The following ARMC2 variants were observed in gnomAD, a reference collection of about 807,000 sequenced individuals.
ARMC2 encodes armadillo repeat containing 2.
In ARMC2, 67 loss-of-function variants were observed where a neutral mutation model predicts 90.3. The ratio of observed to expected loss-of-function variants is 0.74; its 90% CI spans 0.61 to 0.91. The LOEUF is 0.91. Ranked by LOEUF, ARMC2 falls within the 40% of genes least tolerant of loss-of-function variation. ARMC2 has a pLI of 0.00. For missense variants in ARMC2, 920 were observed against 1,030.9 expected, an observed-to-expected ratio of 0.89 and a Z score of 1.47; for synonymous variants, 393 against 393.0, an observed-to-expected ratio of 1.00 and a Z score of 0.00.
chr6:108,938,537 A>G (rs556449928), intron 12 of ARMC2, among the ~76,000 whole-genome samples: 4 of 140,538 alleles, frequency 2.8e-5, no homozygotes, highest in African/African-American at 1.1e-4. Context: ...ATCTATTTAT[A>G]TATTTTATTT....
intron 13 of ARMC2, chr6:108,959,439 G>A (rs1343104745): frequency 6.6e-6 from 1 of 152,278 alleles, no homozygotes; most frequent in Non-Finnish European, 1.5e-5. Flanking sequence ...TCAGTAATGG[G>A]AAGTGGGCAA....
chr6:108,937,015 A>G lies in ARMC2; in HGVS notation c.1596+16A>G, dbSNP rs1458993048. The G allele has an allele frequency of 6.5e-7, 1 of 1,550,178 alleles. No individual in the cohort carries two copies. The highest frequency in any genetic ancestry group is 1.4e-5 in the African/African-American group (1 of 73,936). ...GAAGAAGCAGGTCAGTTCTTCATTC[A>G]TTTAATTCTTCAATGAGTCTTTACA... On this transcript the variant is annotated intron_variant, in intron 12 of 17. Transcript: ENST00000392644.
the ARMC2 span, among the ~76,000 whole-genome samples, chr6:108,979,486 C>T: frequency 7.0e-4 from 106 of 152,154 alleles, 2 homozygotes; most frequent in Admixed American, 4.1e-3. Context: ...TTGCTCTTTT[C>T]GAGGAGTATC....
chr6:109,043,961 T>C, the ARMC2 span, among the ~76,000 whole-genome samples: 2 of 152,022 alleles, frequency 1.3e-5, no homozygotes, highest in Admixed American at 1.3e-4. Context: ...GATACACATA[T>C]CAATGGAACA....
At chr6:108,882,789 C>G (rs539579838) in intron 5 of ARMC2, among the ~76,000 whole-genome samples, 6 of 87,102 alleles carry the variant, frequency 6.9e-5, no homozygotes, top group Middle Eastern at 6.8e-3. Flanking sequence ...TGTGAATTGT[C>G]AGACACTTTT....
intron 3 of ARMC2, among the ~76,000 whole-genome samples, chr6:108,866,872 T>A (rs1053282357): frequency 1.3e-5 from 2 of 152,168 alleles, no homozygotes; most frequent in African/African-American, 2.4e-5. Context: ...AAATAAACAT[T>A]TTGAAGAATG....
chr6:108,874,835 TAAA>T (rs879356888), intron 4 of ARMC2, among the ~76,000 whole-genome samples: 1 of 141,286 alleles, frequency 7.1e-6, no homozygotes, highest in Admixed American at 7.1e-5. Context: ...TTTCTCATCT[TAAA>T]AAAAAAAAAA....
At chr6:109,007,192 G>A in the ARMC2 span, among the ~76,000 whole-genome samples, 6 of 152,232 alleles carry the variant, frequency 3.9e-5, no homozygotes, top group East Asian at 1.9e-4. Context: ...GTGAAAATTC[G>A]TAGTGAATGT....
chr6:108,984,632 T>C, the ARMC2 span, among the ~76,000 whole-genome samples: 2 of 152,214 alleles, frequency 1.3e-5, no homozygotes, highest in Admixed American at 1.3e-4. Flanking sequence ...CATATCCCCT[T>C]GGTTAGGTTT....
At position 108,864,276 on chromosome 6, in the gene ARMC2, G is replaced by A. The variant is rs184060193; in HGVS notation, c.292-4548G>A. On this transcript the variant is annotated intron_variant, in intron 3 of 17. Coordinates refer to ENST00000392644, the MANE Select transcript of ARMC2 (RefSeq NM_032131.6). ...TTCTTTTTTTTTTTTTTGAGATGGA[G>A]TCTTGCTCTGTCACCAGGCTGGAGT... Among the ~76,000 whole-genome samples the A allele has an allele frequency of 4.0e-3, 568 of 143,084 alleles. 2 individuals are homozygous for A. Among genetic ancestry groups the A allele is most frequent in the African/African-American group, 0.014 (533 of 38,482 alleles). 93.9% of individuals were successfully genotyped at this position (143,084 alleles called of 152,430 possible).
At chr6:108,875,947 G>T (rs75499803) in intron 4 of ARMC2, among the ~76,000 whole-genome samples, 196 bp from the exon 5 acceptor site, 3 of 152,298 alleles carry the variant, frequency 2.0e-5, no homozygotes, top group Admixed American at 6.5e-5. Context: ...TTTACCTGCA[G>T]AATTGATGGT....
chr6:108,978,995 C>T (rs914918638), downstream of ARMC2, among the ~76,000 whole-genome samples: 8 of 152,130 alleles, frequency 5.3e-5, no homozygotes, highest in African/African-American at 9.7e-5. Context: ...AACCTGTTTA[C>T]ATTTAAGGTT....
At chr6:109,039,094 AGGAG>A in the ARMC2 span, among the ~76,000 whole-genome samples, 1 of 149,330 alleles carries the variant, frequency 6.7e-6, no homozygotes, top group African/African-American at 2.5e-5. Flanking sequence ...GAAAAGGAGA[AGGAG>A]GGAGGAGAAG....
At chr6:108,990,954 C>T in the ARMC2 span, 1 of 765,092 alleles carries the variant, frequency 1.3e-6, no homozygotes, top group African/African-American at 1.8e-5. Flanking sequence ...TGGCTTTTAT[C>T]CCTAACTCCC....
At chr6:109,025,640 AT>A in the ARMC2 span, among the ~76,000 whole-genome samples, 1 of 151,718 alleles carries the variant, frequency 6.6e-6, no homozygotes, top group Non-Finnish European at 1.5e-5. Flanking sequence ...CTATCAAAAA[AT>A]AACTAGACAG....
intron 13 of ARMC2, among the ~76,000 whole-genome samples, chr6:108,954,517 G>A (rs758347179): frequency 2.6e-5 from 4 of 152,182 alleles, no homozygotes; most frequent in Non-Finnish European, 4.4e-5. Context: ...CAGCTACTCG[G>A]GAGGCTGAGG....
At chr6:109,026,763 A>C in the ARMC2 span, among the ~76,000 whole-genome samples, 3 of 152,096 alleles carry the variant, frequency 2.0e-5, no homozygotes, top group African/African-American at 7.2e-5. Context: ...TCAGCCTCCC[A>C]AAGTGCTGGG....
chr6:108,869,398 C>T (rs937650278), intron 4 of ARMC2, among the ~76,000 whole-genome samples: 1 of 152,140 alleles, frequency 6.6e-6, no homozygotes, highest in Non-Finnish European at 1.5e-5. Context: ...ATCCCAGCTA[C>T]TCGGGAGGCT....
intron 2 of ARMC2, among the ~76,000 whole-genome samples, chr6:108,855,788 A>G (rs975524292): frequency 6.6e-6 from 1 of 152,112 alleles, no homozygotes; most frequent in African/African-American, 2.4e-5. Context: ...TCATTGTTTT[A>G]AGTTACTTTC....
Sources: gnomAD v4.1 joint callset for allele counts (sites outside exome capture counted in the v4.1 genomes callset) on GRCh38, gnomAD v4.1.1 for gene constraint, MANE v1.5 for transcripts, NCBI Gene and HGNC (gene_info 2026-07-23, HGNC 2026-07-21) for gene names.